ABCA3: variants seen among roughly 807,000 people sequenced by gnomAD.
The protein encoded by ABCA3 is ATP binding cassette subfamily A member 3.
ABCA3 carries 88 observed loss-of-function variants against 172.8 expected under a neutral mutation model. The observed-to-expected ratio is 0.51, with a 90% confidence interval of 0.43 to 0.61. The LOEUF (loss-of-function observed/expected upper bound fraction) is 0.61, where lower values mean the gene tolerates loss of function less well. Among genes scored for constraint, ABCA3 ranks in the 20% least tolerant of loss-of-function variants. ABCA3 has a pLI of 0.00. For missense variants in ABCA3, 2,164 were observed against 2,301.0 expected (o/e 0.94, Z 1.22); for synonymous variants, 1,066 against 983.8 (o/e 1.08, Z -1.56).
In ABCA3 at chr16:2,331,387, C is replaced by T. The variant is rs574144762; in HGVS notation, c.-538-1533G>A. ...CTAATTCTTGTATTTTTAATAGAGA[C>T]GGAGTTTTGCCATGTTGGCTAGGCT... On this transcript the variant is annotated intron_variant, in intron 1 of 32. Transcript: ENST00000301732. 3.3e-5 allele frequency among the ~76,000 whole-genome samples: 5 copies of T among 152,220 alleles called. No individual in the cohort carries two copies. The South Asian group carries it at 6.2e-4, about 19-fold the overall frequency.
At chr16:2,289,062 A>G in intron 20 of ABCA3, 1 of 249,966 alleles carries the variant, frequency 4.0e-6, no homozygotes, top group Admixed American at 5.0e-5. Context: ...GATCAGAATG[A>G]GCTCTGTGAC....
At chr16:2,308,332 G>A (rs2093701007) in intron 11 of ABCA3, 118 bp downstream of exon 11, 1 of 1,252,364 alleles carries the variant, frequency 8.0e-7, no homozygotes, top group Admixed American at 1.9e-5. Context: ...TGCCTTCAGT[G>A]GTCCCAACTG....
chr16:2,308,572 G>C lies in ABCA3; in HGVS notation c.1163C>G (p.Pro388Arg). 6.2e-7 allele frequency: 1 copy of C among 1,614,232 alleles called. No individual in the cohort carries two copies. The highest frequency in any genetic ancestry group is 8.5e-7 in the Non-Finnish European group (1 of 1,180,030). The change falls in exon 11 of 33, where the codon CCC becomes CGC. Residue 388 changes from proline (P) to arginine (R), a missense_variant. Around this residue, in one of 3 missense-constraint regions of ABCA3, gnomAD observed 1,343 missense variants for 1,369.6 expected, o/e 0.98. Transcript: ENST00000301732. Reference protein sequence around the residue: ...GGFLYFFTYIPYFFVAPRYNW... With the variant: ...GGFLYFFTYIRYFFVAPRYNW... ...GTACCGAGGGGCCACGAAGAAGTAG[G>C]GGATGTAGGTGAAGAAGTAGAGGAA...
intron 11 of ABCA3, 121 bp from the exon 12 acceptor site, chr16:2,304,271 G>A: frequency 9.9e-7 from 1 of 1,014,490 alleles, no homozygotes; most frequent in Non-Finnish European, 1.6e-6. Flanking sequence ...TGGTTGGCAT[G>A]CCTTTTCCCT....
At chr16:2,339,023 TGG>T (rs1030467395) in intron 1 of ABCA3, 11 of 152,350 alleles carry the variant, frequency 7.2e-5, no homozygotes, top group African/African-American at 2.4e-4. Context: ...CCCAAAGTGC[TGG>T]GATTACAGGT....
At chr16:2,301,577 G>A (rs1195425762) in intron 12 of ABCA3, among the ~76,000 whole-genome samples, 2 of 152,084 alleles carry the variant, frequency 1.3e-5, no homozygotes, top group Non-Finnish European at 2.9e-5. Context: ...GCGTGTAGTG[G>A]TGGGTGCCTG....
intron 10 of ABCA3, among the ~76,000 whole-genome samples, chr16:2,311,247 C>T (rs1420078344): frequency 6.6e-6 from 1 of 152,148 alleles, no homozygotes; most frequent in African/African-American, 2.4e-5. Context: ...GCTGGAATTA[C>T]AGGCGTGAGC....
intron 19 of ABCA3, among the ~76,000 whole-genome samples, chr16:2,289,827 A>G (rs980921853): frequency 1.3e-5 from 2 of 152,294 alleles, no homozygotes; most frequent in Middle Eastern, 3.4e-3. Context: ...GGGTTTCACC[A>G]TGTTGGCCAG....
chr16:2,285,056 A>G lies in ABCA3; in HGVS notation c.3484-58T>C, dbSNP rs2141694612. On this transcript the variant is annotated intron_variant, in intron 23 of 32. Transcript: ENST00000301732. This position sits in a 1 kb window ranked among gnomAD's most constrained non-coding sequence, Gnocchi z 4.7. ...GCCAAGCTGAGAGGAGCTCACGGGT[A>G]GGGAAGGGGTGAGAGGAGCATTTGG... The G allele has an allele frequency of 6.4e-7, 1 of 1,566,470 alleles. No homozygotes were observed. The highest frequency in any genetic ancestry group is 8.7e-7 in the Non-Finnish European group (1 of 1,152,740).
Position 2,279,120 on chromosome 16 carries a change from C to G in ABCA3, c.4370G>C (p.Arg1457Pro). The G allele has an allele frequency of 6.2e-7, 1 of 1,611,524 alleles. No homozygotes were observed. The highest frequency in any genetic ancestry group is 8.5e-7 in the Non-Finnish European group (1 of 1,180,006). ...ATCAAACTGCGGGCAGTAGCCGATC[C>G]GCTGCCGCACCTGGGGTCGGAGCAT... ...ISSDVGKVRQ[R>P]IGYCPQFDAL... The change falls in exon 29 of 33, where the codon CGG becomes CCG. Residue 1457 changes from arginine (R) to proline (P), a missense_variant. By Grantham distance (103) the Arg-to-Pro change is moderately radical. Around this residue, in one of 3 missense-constraint regions of ABCA3, gnomAD observed 795 missense variants for 881.9 expected, o/e 0.90. Coordinates refer to ENST00000301732, the MANE Select transcript of ABCA3 (RefSeq NM_001089.3). The surrounding 1 kb of genome is among the most constrained non-coding windows in gnomAD (Gnocchi z 4.4).
At chr16:2,323,723 A>C (rs1260962444) in intron 6 of ABCA3, 35 bp from the exon 7 acceptor site, 3 of 1,613,644 alleles carry the variant, frequency 1.9e-6, no homozygotes, top group South Asian at 2.2e-5. Context: ...CTGTTCCGAG[A>C]GATCCAGACA....
intron 5 of ABCA3, among the ~76,000 whole-genome samples, chr16:2,325,225 C>T (rs1187738490): frequency 6.6e-6 from 1 of 152,216 alleles, no homozygotes; most frequent in African/African-American, 2.4e-5. Flanking sequence ...ACCACACGGT[C>T]AAACTGTGCC....
chr16:2,339,765 C>T (rs1418231605), intron 1 of ABCA3, among the ~76,000 whole-genome samples: 1 of 152,266 alleles, frequency 6.6e-6, no homozygotes, highest in Non-Finnish European at 1.5e-5. Flanking sequence ...GGCAATTACC[C>T]CCTGAGGACA....
intron 28 of ABCA3, among the ~76,000 whole-genome samples, chr16:2,280,066 A>G (rs1458167634): frequency 1.3e-5 from 2 of 152,274 alleles, no homozygotes; most frequent in East Asian, 3.9e-4. Context: ...GTTTTTAATC[A>G]GTTTGGGGAA....
At chr16:2,317,087 C>T (rs1220945147) in intron 10 of ABCA3, among the ~76,000 whole-genome samples, 196 bp downstream of exon 10, 1 of 152,232 alleles carries the variant, frequency 6.6e-6, no homozygotes, top group Non-Finnish European at 1.5e-5. Flanking sequence ...CAGCCACACA[C>T]CTGCCTTCTC....
chr16:2,328,423 A>C (rs761641209), intron 3 of ABCA3, 30 bp downstream of exon 3: 1 of 471,754 alleles, frequency 2.1e-6, no homozygotes, highest in Non-Finnish European at 4.2e-6. Flanking sequence ...AGTTCATCTC[A>C]TGAACTTCAA....
Position 2,283,403 on chromosome 16 carries a change from T to C in ABCA3, c.3863-45A>G. 6.3e-7 allele frequency: 1 copy of C among 1,598,378 alleles called. No homozygotes were observed. Among genetic ancestry groups the C allele is most frequent in the Non-Finnish European group, 8.5e-7 (1 of 1,170,740 alleles). ...CTGTGCCCCGAGGCCTGGGGCACCC[T>C]CCTCCCCTTCCAGGTTCCCGGCCCC... On this transcript the variant is annotated intron_variant, in intron 25 of 32. Coordinates refer to ENST00000301732, the MANE Select transcript of ABCA3 (RefSeq NM_001089.3). The surrounding 1 kb of genome is among the most constrained non-coding windows in gnomAD (Gnocchi z 5.4).
At chr16:2,306,333 A>C (rs1441136967) in intron 11 of ABCA3, among the ~76,000 whole-genome samples, 1 of 152,208 alleles carries the variant, frequency 6.6e-6, no homozygotes, top group African/African-American at 2.4e-5. Flanking sequence ...TCCAAAAAAA[A>C]ATTGTTAAAA....
Position 2,281,488 on chromosome 16 carries a change from G to T in ABCA3, c.4057C>A (p.Pro1353Thr), listed in dbSNP as rs1368552587. 1.9e-6 allele frequency: 3 copies of T among 1,612,712 alleles called. No individual in the cohort carries two copies. The African/African-American group carries it at 4.0e-5, about 22-fold the overall frequency. ...RTLTELYTRM[P>T]VLPEDQDVAD... ...ACATCTTGGTCCTCAGGAAGCACAG[G>T]CATCCGGGTGTATAATTCTGTCTGA... is the stretch of plus-strand genomic sequence containing the variant. Residue 1353 changes from proline to threonine, a missense_variant, in exon 27 of 33, where the codon CCT becomes ACT. Physicochemically the swap from Pro to Thr is conservative, Grantham distance 38. This residue lies in a region of ABCA3 where 795 missense variants were observed against 881.9 expected (regional missense o/e 0.90). Transcript: ENST00000301732. This position sits in a 1 kb window ranked among gnomAD's most constrained non-coding sequence, Gnocchi z 4.7.
Sources: gnomAD v4.1 joint callset for allele counts (sites outside exome capture counted in the v4.1 genomes callset) on GRCh38, gnomAD v4.1.1 for gene constraint, gnomAD v4.1.1 regional missense constraint, Gnocchi (gnomAD v3.1) non-coding constraint, MANE v1.5 for transcripts, NCBI Gene and HGNC (gene_info 2026-07-23, HGNC 2026-07-21) for gene names.